Variants in CNTNAP5 observed in about 807,000 individuals in gnomAD.
The protein encoded by CNTNAP5 is contactin-associated protein-like 5.
Under a neutral mutation model 150.2 loss-of-function variants are expected in CNTNAP5, and 72 were observed. The ratio of observed to expected loss-of-function variants is 0.48; its 90% CI spans 0.40 to 0.58. The LOEUF (loss-of-function observed/expected upper bound fraction) is 0.58. Ranked by LOEUF, CNTNAP5 falls within the 20% of genes least tolerant of loss-of-function variation. The pLI is 0.00. For synonymous variants in CNTNAP5, 672 were observed against 619.8 expected, an observed-to-expected ratio of 1.08 and a Z score of -1.25; for missense variants, 1,636 against 1,626.2, an observed-to-expected ratio of 1.01 and a Z score of -0.10.
At chr2:124,365,442 A>G (rs1690347441) in intron 3 of CNTNAP5, among the ~76,000 whole-genome samples, 1 of 152,174 alleles carries the variant, frequency 6.6e-6, no homozygotes, top group Non-Finnish European at 1.5e-5. Flanking sequence ...ATTTGGGGAG[A>G]TATTTCTTTC....
chr2:124,537,587 C>T (rs1695268617), intron 10 of CNTNAP5, among the ~76,000 whole-genome samples: 1 of 152,100 alleles, frequency 6.6e-6, no homozygotes, highest in Non-Finnish European at 1.5e-5. Flanking sequence ...AGGCTTCAAG[C>T]TGACTTTGTA....
chr2:124,903,787 C>T lies in CNTNAP5; in HGVS notation c.3655+687C>T, dbSNP rs371147030. On this transcript the variant is annotated intron_variant, in intron 22 of 23. Transcript: ENST00000682447. ...CCAAAATTTGGGCCAGGTGTGGTGG[C>T]TTATGCCTGAAATTGCCGCACTTTG... 3.0e-4 allele frequency among the ~76,000 whole-genome samples: 45 copies of T among 152,200 alleles called. No homozygotes were observed. The South Asian group carries it at 8.3e-3, about 28-fold the overall frequency.
chr2:124,286,620 G>A (rs1180047233), intron 3 of CNTNAP5, among the ~76,000 whole-genome samples: 1 of 152,170 alleles, frequency 6.6e-6, no homozygotes, highest in Non-Finnish European at 1.5e-5. Context: ...GGTTGGACCT[G>A]AGATACTGAA....
intron 3 of CNTNAP5, among the ~76,000 whole-genome samples, chr2:124,259,612 T>A (rs966892827): frequency 2.0e-4 from 31 of 152,316 alleles, no homozygotes; most frequent in African/African-American, 7.5e-4. Context: ...TGGCCAGTGA[T>A]GATGAGCATT....
intron 14 of CNTNAP5, among the ~76,000 whole-genome samples, chr2:124,750,071 C>G (rs1204579766): frequency 1.3e-5 from 2 of 152,172 alleles, no homozygotes; most frequent in Non-Finnish European, 2.9e-5. Context: ...TTCATAATGT[C>G]TTCTCTCACC....
At position 124,250,367 on chromosome 2, in the gene CNTNAP5, A is replaced by C. The variant is rs190798142; in HGVS notation, c.381+7974A>C. On this transcript the variant is annotated intron_variant, in intron 3 of 23. Coordinates refer to ENST00000682447, the MANE Select transcript of CNTNAP5 (RefSeq NM_001367498.1). ...TTTAAATGGACTGAACCATACAAGG[A>C]TCTTTACATAGCATTATCAATAATA... Among the ~76,000 whole-genome samples the C allele has an allele frequency of 1.6e-3, 238 of 152,272 alleles. 2 individuals carry two copies. Among genetic ancestry groups the C allele is most frequent in the African/African-American group, 5.1e-3 (211 of 41,570 alleles).
Position 124,153,603 on chromosome 2 carries a change from C to CTTTT in CNTNAP5, c.83-68081_83-68078dup, listed in dbSNP as rs948493792. ...GATGAGGCAAGAAAGCCCCCCGGGA[C>CTTTT]TTTTTTTTTTTTTTTTTTTTTTTTG... On this transcript the variant is annotated intron_variant, in intron 1 of 23. Transcript: ENST00000682447. Among the ~76,000 whole-genome samples, 173 of 85,070 alleles carry CTTTT rather than the reference C, an allele frequency of 2.0e-3. 2 individuals are homozygous for CTTTT. The highest frequency in any genetic ancestry group is 8.7e-3 in the East Asian group (23 of 2,654). 55.8% of individuals were successfully genotyped at this position (85,070 alleles called of 152,430 possible).
At chr2:124,896,983 T>C (rs1453247626) in intron 21 of CNTNAP5, among the ~76,000 whole-genome samples, 1 of 151,678 alleles carries the variant, frequency 6.6e-6, no homozygotes, top group Non-Finnish European at 1.5e-5. Flanking sequence ...AAAGGTTTTG[T>C]TTTGTGCCTG....
At chr2:124,466,998 A>T (rs1398130739) in intron 6 of CNTNAP5, among the ~76,000 whole-genome samples, 1 of 152,208 alleles carries the variant, frequency 6.6e-6, no homozygotes, top group African/African-American at 2.4e-5. Context: ...TTAAATGTAG[A>T]CAGAAAGAAA....
intron 10 of CNTNAP5, among the ~76,000 whole-genome samples, chr2:124,545,672 G>T (rs569966724): frequency 2.0e-4 from 30 of 152,198 alleles, no homozygotes; most frequent in Middle Eastern, 3.4e-3. Context: ...GGAAAACCCA[G>T]TTGGCTTTGA....
At chr2:124,864,096 C>T (rs542410055) in intron 19 of CNTNAP5, among the ~76,000 whole-genome samples, 106 of 152,158 alleles carry the variant, frequency 7.0e-4, no homozygotes, top group African/African-American at 2.3e-3. Flanking sequence ...CAGCCAGTGA[C>T]GCTGGGGAAA....
chr2:124,736,459 C>T (rs947622762), intron 13 of CNTNAP5, among the ~76,000 whole-genome samples: 4 of 152,062 alleles, frequency 2.6e-5, no homozygotes, highest in Admixed American at 2.6e-4. Context: ...AAGTGTTTTG[C>T]CTTTTATACT....
intron 1 of CNTNAP5, among the ~76,000 whole-genome samples, chr2:124,060,692 C>A (rs1681985979): frequency 6.6e-6 from 1 of 152,184 alleles, no homozygotes; most frequent in Non-Finnish European, 1.5e-5. Context: ...GCAGAACAAG[C>A]ATTTCTTACA....
At chr2:124,451,977 C>T (rs1170192338) in intron 6 of CNTNAP5, among the ~76,000 whole-genome samples, 1 of 152,058 alleles carries the variant, frequency 6.6e-6, no homozygotes, top group African/African-American at 2.4e-5. Flanking sequence ...GAGAAAAGGC[C>T]ATAGGGAGAA....
intron 13 of CNTNAP5, among the ~76,000 whole-genome samples, chr2:124,734,667 C>T (rs1003552081): frequency 1.3e-5 from 2 of 151,948 alleles, no homozygotes; most frequent in Non-Finnish European, 2.9e-5. Flanking sequence ...GTGACCTTCT[C>T]TCATTTCCAA....
At chr2:124,818,368 A>C (rs951768734) in intron 19 of CNTNAP5, among the ~76,000 whole-genome samples, 2 of 152,058 alleles carry the variant, frequency 1.3e-5, no homozygotes, top group African/African-American at 4.8e-5. Context: ...AAAAATAAAA[A>C]TAAAATAAGC....
At chr2:124,611,846 C>T (rs966483898) in intron 12 of CNTNAP5, among the ~76,000 whole-genome samples, 6 of 152,182 alleles carry the variant, frequency 3.9e-5, no homozygotes. Context: ...AGCTTCGACT[C>T]TCTCTGGGAA....
intron 19 of CNTNAP5, among the ~76,000 whole-genome samples, chr2:124,847,158 G>A (rs1683065622): frequency 6.6e-6 from 1 of 152,130 alleles, no homozygotes; most frequent in African/African-American, 2.4e-5. Flanking sequence ...TTTTCAGGTG[G>A]GGAGCAGGGC....
At chr2:124,261,240 TATAG>T (rs1687445152) in intron 3 of CNTNAP5, among the ~76,000 whole-genome samples, 1 of 152,174 alleles carries the variant, frequency 6.6e-6, no homozygotes, top group Admixed American at 6.5e-5. Context: ...CTCATTTAAA[TATAG>T]AGATATCTAA....
Sources: allele counts gnomAD v4.1 joint callset (sites outside exome capture counted in the v4.1 genomes callset), GRCh38; gene constraint gnomAD v4.1.1; transcripts MANE v1.5; gene names NCBI Gene and HGNC (gene_info 2026-07-23, HGNC 2026-07-21).